TOX: variants seen among roughly 807,000 people sequenced by gnomAD.
TOX encodes thymocyte selection associated high mobility group box.
Under a neutral mutation model 53.7 loss-of-function variants are expected in TOX, and 11 were observed. The ratio of observed to expected loss-of-function variants is 0.20; its 90% confidence interval spans 0.13 to 0.34. TOX has a LOEUF of 0.34. TOX is among the 10% of genes least tolerant of loss of function. The pLI is 1.00. For missense variants in TOX, 570 were observed against 664.6 expected (o/e 0.86, Z 1.56); for synonymous variants, 225 against 245.3 (o/e 0.92, Z 0.77).
intron 1 of TOX, among the ~76,000 whole-genome samples, chr8:59,090,658 C>T (rs893740785): frequency 6.6e-6 from 1 of 152,146 alleles, no homozygotes; most frequent in East Asian, 1.9e-4. Flanking sequence ...CTCAGTGCTG[C>T]TCACAAATCC....
At chr8:58,915,146 G>C (rs1811988386) in intron 3 of TOX, among the ~76,000 whole-genome samples, 1 of 151,642 alleles carries the variant, frequency 6.6e-6, no homozygotes, top group African/African-American at 2.4e-5. Flanking sequence ...CCATTGCCCA[G>C]GCTTGCTTAG....
chr8:59,091,710 C>T (rs1804610330), intron 1 of TOX, among the ~76,000 whole-genome samples: 1 of 152,044 alleles, frequency 6.6e-6, no homozygotes, highest in Non-Finnish European at 1.5e-5. Context: ...GTATTTGTAT[C>T]ATGTTATAAA....
At chr8:58,930,994 A>C (rs1304651367) in intron 3 of TOX, among the ~76,000 whole-genome samples, 1 of 152,192 alleles carries the variant, frequency 6.6e-6, no homozygotes, top group Admixed American at 6.5e-5. Context: ...TTGTTTGCTA[A>C]ATAATTGATA....
chr8:58,833,248 T>C (rs1407826391), intron 5 of TOX, among the ~76,000 whole-genome samples: 1 of 152,228 alleles, frequency 6.6e-6, no homozygotes, highest in Non-Finnish European at 1.5e-5. Flanking sequence ...GAACTTAAGG[T>C]TCATTTAGTA....
chr8:58,902,496 C>G (rs962840753), intron 3 of TOX, among the ~76,000 whole-genome samples: 9 of 152,120 alleles, frequency 5.9e-5, no homozygotes, highest in Admixed American at 3.9e-4. Context: ...ATTTGAGACT[C>G]AAATCCAGGC....
chr8:58,871,645 A>T (rs73249047), intron 3 of TOX, among the ~76,000 whole-genome samples: 9,967 of 152,196 alleles, frequency 0.065, 373 homozygotes, highest in East Asian at 0.12. Flanking sequence ...GTTTACTTAC[A>T]AATTGGATAC....
chr8:58,955,650 G>A (rs1417397860), intron 2 of TOX, among the ~76,000 whole-genome samples: 2 of 151,942 alleles, frequency 1.3e-5, no homozygotes, highest in African/African-American at 4.8e-5. Context: ...ACTGAGGCAG[G>A]CATGTGAAGA....
intron 1 of TOX, among the ~76,000 whole-genome samples, chr8:58,973,684 G>A (rs746350699): frequency 5.3e-5 from 8 of 152,106 alleles, no homozygotes; most frequent in African/African-American, 1.4e-4. Flanking sequence ...TGGATTCAAA[G>A]TTTTGTTTTG....
intron 2 of TOX, among the ~76,000 whole-genome samples, chr8:58,941,330 A>G (rs142782638): frequency 1.8e-4 from 27 of 152,284 alleles, no homozygotes; most frequent in African/African-American, 5.5e-4. Context: ...CCTCCATTTA[A>G]CCATTATAGT....
chr8:58,824,927 T>C (rs1810341284), intron 6 of TOX, among the ~76,000 whole-genome samples: 2 of 152,192 alleles, frequency 1.3e-5, no homozygotes, highest in South Asian at 4.1e-4. Context: ...GTTACAATTA[T>C]GGAATATATC....
chr8:58,829,121 T>C (rs1810411235), intron 5 of TOX, among the ~76,000 whole-genome samples: 2 of 152,172 alleles, frequency 1.3e-5, no homozygotes, highest in African/African-American at 4.8e-5. Flanking sequence ...CTACGGCATC[T>C]ATCATTTTTC....
intron 1 of TOX, among the ~76,000 whole-genome samples, chr8:59,069,590 G>A (rs73256318): frequency 0.013 from 1,935 of 152,246 alleles, 56 homozygotes; most frequent in African/African-American, 0.044. Context: ...CCAGCCCCAG[G>A]GAATGTCGGC....
At chr8:58,968,653 C>A (rs192566218) in intron 1 of TOX, among the ~76,000 whole-genome samples, 42 of 152,184 alleles carry the variant, frequency 2.8e-4, no homozygotes, top group Non-Finnish European at 7.4e-5. Flanking sequence ...GGGGTTGGAC[C>A]TTTTATTGCT....
chr8:59,015,360 A>G (rs959333829), intron 1 of TOX, among the ~76,000 whole-genome samples: 1 of 152,264 alleles, frequency 6.6e-6, no homozygotes, highest in Non-Finnish European at 1.5e-5. Flanking sequence ...ATAAGCAGCT[A>G]CAAAACTAGG....
At chr8:58,879,633 G>A (rs973728162) in intron 3 of TOX, among the ~76,000 whole-genome samples, 3 of 152,126 alleles carry the variant, frequency 2.0e-5, no homozygotes, top group Admixed American at 2.0e-4. Flanking sequence ...TACTGTGGCT[G>A]ACTAGTCCTT....
chr8:58,845,769 G>A (rs1395722483), intron 4 of TOX, among the ~76,000 whole-genome samples: 6 of 152,050 alleles, frequency 3.9e-5, no homozygotes, highest in Non-Finnish European at 7.4e-5. Flanking sequence ...GGCCTTATGT[G>A]AAATAGGAAG....
chr8:58,829,509 T>G (rs1037418990), intron 5 of TOX, among the ~76,000 whole-genome samples: 3 of 152,156 alleles, frequency 2.0e-5, no homozygotes. Flanking sequence ...TAGCTGCAGA[T>G]GTTCAGAGGG....
Position 58,962,379 on chromosome 8 carries a change from AGC to A in TOX, c.103-2373_103-2372del, listed in dbSNP as rs1812815058. On this transcript the variant is annotated intron_variant, in intron 1 of 8. Transcript: ENST00000361421. ...ATCTTTACATGTATTAACTGATTTA[AGC>A]ATCACAAAACCAAGAGTTAGGTATT... Among the ~76,000 whole-genome samples the A allele has an allele frequency of 6.6e-5, 10 of 152,370 alleles. No individual in the cohort carries two copies. The South Asian group carries it at 2.1e-3, about 32-fold the overall frequency.
At chr8:58,989,297 C>T (rs1813396157) in intron 1 of TOX, among the ~76,000 whole-genome samples, 1 of 151,252 alleles carries the variant, frequency 6.6e-6, no homozygotes, top group South Asian at 2.1e-4. Context: ...GCCTGGGTGA[C>T]AGAGCGAGAC....
Sources: gnomAD v4.1 joint callset for allele counts (sites outside exome capture counted in the v4.1 genomes callset) on GRCh38, gnomAD v4.1.1 for gene constraint, MANE v1.5 for transcripts, NCBI Gene and HGNC (gene_info 2026-07-23, HGNC 2026-07-21) for gene names.